The following DOCK3 variants were observed in gnomAD, a reference collection of about 807,000 sequenced individuals.
DOCK3 encodes dedicator of cytokinesis protein 3.
In DOCK3, 60 loss-of-function variants were observed where a neutral mutation model predicts 265.6. The observed-to-expected ratio is 0.23, with a 90% CI of 0.18 to 0.28. DOCK3 has a LOEUF of 0.28. Ranked by LOEUF, DOCK3 falls within the 10% of genes least tolerant of loss-of-function variation. The pLI, the probability that DOCK3 is intolerant of heterozygous loss-of-function variation, is 1.00. For synonymous variants in DOCK3, 881 were observed against 938.0 expected, an observed-to-expected ratio of 0.94 and a Z score of 1.11; for missense variants, 1,981 against 2,594.3, an observed-to-expected ratio of 0.76 and a Z score of 5.14.
intron 5 of DOCK3, among the ~76,000 whole-genome samples, chr3:51,041,204 A>ATTTT (rs1183149090): frequency 4.1e-4 from 6 of 14,782 alleles, no homozygotes; most frequent in African/African-American, 1.1e-3. Flanking sequence ...ATATATATAT[A>ATTTT]TTTTTTTTTT....
intron 2 of DOCK3, among the ~76,000 whole-genome samples, chr3:50,802,958 T>A (rs1055401439): frequency 4.6e-5 from 7 of 151,940 alleles, no homozygotes; most frequent in Admixed American, 2.0e-4. Context: ...GCAGGCTTTC[T>A]TCATTTTTAT....
chr3:51,364,339 A>AT (rs1365893244), intron 49 of DOCK3, among the ~76,000 whole-genome samples: 2 of 151,852 alleles, frequency 1.3e-5, no homozygotes, highest in East Asian at 1.9e-4. Context: ...GGGTTGTTTG[A>AT]TTTTTTTATT....
intron 32 of DOCK3, among the ~76,000 whole-genome samples, chr3:51,320,431 T>C (rs2083637596): frequency 6.6e-6 from 1 of 151,880 alleles, no homozygotes; most frequent in Non-Finnish European, 1.5e-5. Flanking sequence ...TGTTTTTGTT[T>C]TTTTTTTTCA....
chr3:50,980,527 G>T (rs1303116267), intron 5 of DOCK3, among the ~76,000 whole-genome samples: 1 of 152,146 alleles, frequency 6.6e-6, no homozygotes, highest in Non-Finnish European at 1.5e-5. Flanking sequence ...AGTTTGAGAA[G>T]AACTGGTGTT....
intron 1 of DOCK3, among the ~76,000 whole-genome samples, chr3:50,721,877 T>C (rs1291843793): frequency 5.3e-5 from 8 of 152,172 alleles, no homozygotes; most frequent in Admixed American, 5.2e-4. Flanking sequence ...CAGCAGTGTT[T>C]TGTAATTCTT....
chr3:51,276,687 A>G (rs1254179701), intron 25 of DOCK3, among the ~76,000 whole-genome samples: 1 of 152,170 alleles, frequency 6.6e-6, no homozygotes, highest in Non-Finnish European at 1.5e-5. Flanking sequence ...CAGAGATATT[A>G]TCTCTCGTTC....
At chr3:51,328,807 G>A (rs980372037) in intron 32 of DOCK3, among the ~76,000 whole-genome samples, 2 of 152,082 alleles carry the variant, frequency 1.3e-5, no homozygotes, top group Non-Finnish European at 2.9e-5. Flanking sequence ...CCATACCATG[G>A]CTTTTTTGTT....
chr3:50,696,590 G>A (rs1178882821), intron 1 of DOCK3, among the ~76,000 whole-genome samples: 2 of 151,964 alleles, frequency 1.3e-5, no homozygotes, highest in South Asian at 2.1e-4. Context: ...ACAGGGGACA[G>A]TAAGGCATGA....
At chr3:51,019,375 C>T (rs2079491479) in intron 5 of DOCK3, among the ~76,000 whole-genome samples, 1 of 151,872 alleles carries the variant, frequency 6.6e-6, no homozygotes, top group African/African-American at 2.4e-5. Flanking sequence ...ACTGCAGTGC[C>T]ACCTTTGTCA....
intron 5 of DOCK3, among the ~76,000 whole-genome samples, chr3:51,008,129 A>T (rs1427528994): frequency 1.3e-5 from 2 of 151,986 alleles, no homozygotes; most frequent in African/African-American, 4.8e-5. Context: ...CCATGTGAAC[A>T]TTAAAGTAGT....
chr3:51,292,366 ACT>A (rs1446002017), intron 27 of DOCK3, among the ~76,000 whole-genome samples: 4 of 152,128 alleles, frequency 2.6e-5, no homozygotes, highest in Non-Finnish European at 4.4e-5. Flanking sequence ...AATTTCAAAG[ACT>A]CTACAAAAAA....
chr3:51,035,824 G>T (rs544424781), intron 5 of DOCK3, among the ~76,000 whole-genome samples: 101 of 152,244 alleles, frequency 6.6e-4, no homozygotes, highest in African/African-American at 2.4e-3. Flanking sequence ...AAAACAAACT[G>T]CTTTCAGTTT....
At chr3:50,911,076 A>G (rs1171962843) in intron 4 of DOCK3, among the ~76,000 whole-genome samples, 1 of 151,996 alleles carries the variant, frequency 6.6e-6, no homozygotes, top group Non-Finnish European at 1.5e-5. Flanking sequence ...TGTCACATGA[A>G]TAGTTCGCAA....
intron 4 of DOCK3, among the ~76,000 whole-genome samples, chr3:50,933,143 C>T (rs754478411): frequency 2.6e-5 from 4 of 152,228 alleles, no homozygotes; most frequent in Admixed American, 6.5e-5. Context: ...TTACCTCTCA[C>T]TGGGTCTCTG....
chr3:50,938,980 T>C (rs1214893843), intron 5 of DOCK3, among the ~76,000 whole-genome samples: 4 of 150,368 alleles, frequency 2.7e-5, no homozygotes, highest in Non-Finnish European at 5.9e-5. Flanking sequence ...AGAAAAGCAA[T>C]AGGGAAAATC....
intron 31 of DOCK3, among the ~76,000 whole-genome samples, chr3:51,314,732 G>A (rs1173337926): frequency 6.6e-6 from 1 of 152,200 alleles, no homozygotes; most frequent in Admixed American, 6.5e-5. Context: ...GTAGTTTGTG[G>A]GACTGTCAGG....
intron 41 of DOCK3, 44 bp downstream of exon 41, chr3:51,355,067 G>A: frequency 2.5e-6 from 4 of 1,594,388 alleles, no homozygotes; most frequent in Non-Finnish European, 3.4e-6. Flanking sequence ...AGGGGCCCTG[G>A]GAGGTGAGAT....
At chr3:51,267,529 C>T (rs998068113) in intron 23 of DOCK3, among the ~76,000 whole-genome samples, 6 of 151,922 alleles carry the variant, frequency 3.9e-5, no homozygotes, top group African/African-American at 7.3e-5. Flanking sequence ...GGATTACAGG[C>T]GCATGCCACC....
intron 27 of DOCK3, among the ~76,000 whole-genome samples, chr3:51,289,387 CTGAG>C (rs1017351078): frequency 6.6e-6 from 1 of 152,126 alleles, no homozygotes; most frequent in Non-Finnish European, 1.5e-5. Flanking sequence ...ATGTAAGCCA[CTGAG>C]TAACTACTAA....
Sources: gnomAD v4.1 joint callset for allele counts (sites outside exome capture counted in the v4.1 genomes callset) on GRCh38, gnomAD v4.1.1 for gene constraint, MANE v1.5 for transcripts, NCBI Gene and HGNC (gene_info 2026-07-23, HGNC 2026-07-21) for gene names.